TAFA1: variants seen among roughly 807,000 people sequenced by gnomAD.
TAFA1 encodes the protein TAFA chemokine like family member 1, also known as chemokine-like protein TAFA-1.
A neutral mutation model predicts 18.5 loss-of-function variants in TAFA1; 4 were observed. The observed-to-expected ratio is 0.22, with a 90% CI of 0.11 to 0.49. The LOEUF (loss-of-function observed/expected upper bound fraction) is 0.49, where lower values mean the gene tolerates loss of function less well. TAFA1 is among the 20% of genes least tolerant of loss of function. TAFA1 has a pLI of 0.98. For synonymous variants in TAFA1, 56 were observed against 55.2 expected, an observed-to-expected ratio of 1.01 and a Z score of -0.06; for missense variants, 147 against 169.0, an observed-to-expected ratio of 0.87 and a Z score of 0.72.
At chr3:68,129,822 G>T (rs1413563607) in intron 2 of TAFA1, among the ~76,000 whole-genome samples, 1 of 152,094 alleles carries the variant, frequency 6.6e-6, no homozygotes, top group Non-Finnish European at 1.5e-5. Flanking sequence ...AAAGAAAAAA[G>T]TTCCTTCTTG....
At chr3:68,376,391 T>A (rs1418215539) in intron 2 of TAFA1, among the ~76,000 whole-genome samples, 2 of 152,020 alleles carry the variant, frequency 1.3e-5, no homozygotes, top group Admixed American at 1.3e-4. Context: ...GTTTTCCTGG[T>A]CTTCTCCCTC....
At chr3:68,391,809 C>T (rs764198533) in intron 2 of TAFA1, among the ~76,000 whole-genome samples, 1 of 152,054 alleles carries the variant, frequency 6.6e-6, no homozygotes, top group East Asian at 1.9e-4. Flanking sequence ...CAAGCAAATG[C>T]TGAGGGATTT....
intron 2 of TAFA1, among the ~76,000 whole-genome samples, chr3:68,116,458 G>T (rs1295393386): frequency 6.6e-6 from 1 of 152,076 alleles, no homozygotes; most frequent in Non-Finnish European, 1.5e-5. Context: ...TAATTTATTT[G>T]TAGATCATTC....
chr3:67,997,360 C>G, the TAFA1 span, among the ~76,000 whole-genome samples: 2 of 152,088 alleles, frequency 1.3e-5, no homozygotes, highest in African/African-American at 4.8e-5. Flanking sequence ...TACATAGAAT[C>G]CAACAGCTAG....
At chr3:68,435,131 T>C (rs1223924815) in intron 3 of TAFA1, among the ~76,000 whole-genome samples, 3 of 152,102 alleles carry the variant, frequency 2.0e-5, no homozygotes, top group African/African-American at 7.2e-5. Context: ...GTGTTCTAGA[T>C]GGCTTCTCAT....
In TAFA1 at chr3:68,486,500, T is replaced by C. The variant is rs1214699573; in HGVS notation, c.260-52256T>C. Among the ~76,000 whole-genome samples, 18 of 152,258 alleles carry C rather than the reference T, an allele frequency of 1.2e-4. 1 individual carries two copies. In the South Asian group the frequency reaches 3.5e-3, roughly 30 times the overall value. On this transcript the variant is annotated intron_variant, in intron 3 of 4. Transcript: ENST00000478136. ...GACTTTGAACACAAACAGAAATGGG[T>C]TCAAATCTCAGCCTTACCAGTTGCT...
intron 2 of TAFA1, among the ~76,000 whole-genome samples, chr3:68,230,301 C>T (rs919497311): frequency 2.6e-5 from 4 of 151,628 alleles, no homozygotes; most frequent in Admixed American, 1.3e-4. Flanking sequence ...CTCTGATAAC[C>T]GTCATTCTAT....
intron 2 of TAFA1, among the ~76,000 whole-genome samples, chr3:68,045,794 A>G (rs1177779685): frequency 6.6e-6 from 1 of 152,124 alleles, no homozygotes; most frequent in Non-Finnish European, 1.5e-5. Flanking sequence ...CTCTTTAATC[A>G]TTCATTTCGT....
At chr3:68,145,044 A>G (rs1181896467) in intron 2 of TAFA1, 3 of 1,608,556 alleles carry the variant, frequency 1.9e-6, no homozygotes, top group Admixed American at 1.7e-5. Flanking sequence ...TTTAGTTTCA[A>G]AAAGTTGCTG....
intron 2 of TAFA1, among the ~76,000 whole-genome samples, chr3:68,290,457 C>T (rs1338838723): frequency 6.6e-6 from 1 of 152,016 alleles, no homozygotes; most frequent in Non-Finnish European, 1.5e-5. Flanking sequence ...AAGGGCAGTT[C>T]CCCCATGTCA....
chr3:68,005,867 T>C lies in TAFA1; in HGVS notation c.-3-757T>C, dbSNP rs565348811. ...ATCCTCATAGGTGCAGATAAGACTG[T>C]CAAAGTTTCAGCACCCGAGAAAAGG... On this transcript the variant is annotated intron_variant, in intron 1 of 4. Transcript: ENST00000478136. 3.3e-5 allele frequency among the ~76,000 whole-genome samples: 5 copies of C among 152,304 alleles called. No individual in the cohort carries two copies. The East Asian group carries it at 9.6e-4, about 29-fold the overall frequency.
At chr3:68,100,510 T>G (rs967610051) in intron 2 of TAFA1, among the ~76,000 whole-genome samples, 10 of 152,116 alleles carry the variant, frequency 6.6e-5, no homozygotes, top group African/African-American at 2.4e-4. Flanking sequence ...GTCTTTTGCT[T>G]TCTGAATCTC....
At chr3:68,259,096 G>A (rs1360609611) in intron 2 of TAFA1, among the ~76,000 whole-genome samples, 1 of 152,176 alleles carries the variant, frequency 6.6e-6, no homozygotes, top group Non-Finnish European at 1.5e-5. Context: ...GTGGGGTGAG[G>A]ACTGACACTC....
chr3:68,001,166 A>C (rs1174048633), upstream of TAFA1, among the ~76,000 whole-genome samples: 4 of 152,222 alleles, frequency 2.6e-5, no homozygotes, highest in African/African-American at 9.6e-5. Flanking sequence ...TGGGATTTCA[A>C]CTTTCTCTCA....
Position 68,461,483 on chromosome 3 carries a change from C to T in TAFA1, c.259+44063C>T, listed in dbSNP as rs541738253. Among the ~76,000 whole-genome samples the T allele has an allele frequency of 2.0e-5, 3 of 150,984 alleles. No individual in the cohort carries two copies. The South Asian group carries it at 6.3e-4, about 32-fold the overall frequency. On this transcript the variant is annotated intron_variant, in intron 3 of 4. Transcript: ENST00000478136. ...CTACCAGCATCCAATCTGTTCTCAG[C>T]CGCTCTGGCTGTTCTCACTGAATCT...
At chr3:68,396,133 G>C (rs189601578) in intron 2 of TAFA1, among the ~76,000 whole-genome samples, 2 of 151,962 alleles carry the variant, frequency 1.3e-5, no homozygotes, top group African/African-American at 4.8e-5. Context: ...TGGTCATTTG[G>C]TTTTTGTTTA....
In TAFA1 at chr3:68,303,541, C is replaced by T. The variant is rs536490478; in HGVS notation, c.119-113739C>T. On this transcript the variant is annotated intron_variant, in intron 2 of 4. Transcript: ENST00000478136. ...CTGCAAGCTCTGCCTGCCAGGTTCA[C>T]GCCATTCTCCCGCCTCAGCCTCTCA... 9.9e-5 allele frequency among the ~76,000 whole-genome samples: 15 copies of T among 152,118 alleles called. No homozygotes were observed. In the East Asian group the frequency reaches 1.2e-3, roughly 12 times the overall value.
At chr3:68,302,193 T>A (rs557596731) in intron 2 of TAFA1, among the ~76,000 whole-genome samples, 60 of 152,336 alleles carry the variant, frequency 3.9e-4, no homozygotes, top group African/African-American at 1.3e-3. Flanking sequence ...TAAATCTTAA[T>A]TCATTAAATA....
At chr3:68,102,564 G>A (rs2065160472) in intron 2 of TAFA1, among the ~76,000 whole-genome samples, 1 of 152,140 alleles carries the variant, frequency 6.6e-6, no homozygotes, top group Admixed American at 6.5e-5. Flanking sequence ...ACCCAGGGGT[G>A]AGGCTCGGAT....
Sources: allele counts gnomAD v4.1 joint callset (sites outside exome capture counted in the v4.1 genomes callset), GRCh38; gene constraint gnomAD v4.1.1; transcripts MANE v1.5; gene names NCBI Gene and HGNC (gene_info 2026-07-23, HGNC 2026-07-21).